Variants in DLG2 observed in about 807,000 individuals in gnomAD.
The protein encoded by DLG2 is discs large MAGUK scaffold protein 2.
In DLG2, 45 loss-of-function variants were observed where a neutral mutation model predicts 132.5. That is an observed-to-expected ratio of 0.34 (90% confidence interval 0.27 to 0.44). The LOEUF is 0.44. Among genes scored for constraint, DLG2 ranks in the 20% least tolerant of loss-of-function variants. The probability of loss-of-function intolerance (pLI) is 1.00; values close to 1 mark genes in which losing one functional copy is unlikely to be tolerated. For synonymous variants in DLG2, 424 were observed against 419.6 expected (o/e 1.01, Z -0.13); for missense variants, 1,045 against 1,196.9 (o/e 0.87, Z 1.87).
intron 25 of DLG2, among the ~76,000 whole-genome samples, chr11:83,468,681 T>A (rs1405239113): frequency 1.3e-5 from 2 of 152,104 alleles, no homozygotes; most frequent in African/African-American, 4.8e-5. Context: ...TATGGTACCC[T>A]CTCTTGAACA....
At chr11:83,737,608 T>C (rs939725260) in intron 18 of DLG2, among the ~76,000 whole-genome samples, 4 of 152,210 alleles carry the variant, frequency 2.6e-5, no homozygotes, top group Non-Finnish European at 5.9e-5. Context: ...CAAATAGAAC[T>C]ATATGCTTGG....
chr11:84,444,625 A>C (rs1327496647), intron 7 of DLG2, among the ~76,000 whole-genome samples: 1 of 152,080 alleles, frequency 6.6e-6, no homozygotes, highest in Non-Finnish European at 1.5e-5. Flanking sequence ...TTTAACAATT[A>C]TCCTATTTTT....
At chr11:85,322,791 G>A (rs1298168863) in intron 3 of DLG2, among the ~76,000 whole-genome samples, 1 of 151,976 alleles carries the variant, frequency 6.6e-6, no homozygotes, top group Admixed American at 6.6e-5. Context: ...CAATTATGAA[G>A]TCTATAGATC....
chr11:84,492,233 A>G (rs1312753081), intron 7 of DLG2, among the ~76,000 whole-genome samples: 2 of 152,212 alleles, frequency 1.3e-5, no homozygotes, highest in Non-Finnish European at 2.9e-5. Flanking sequence ...GTTCTGAAGA[A>G]TTTTTCTGCC....
At chr11:84,932,595 G>A (rs1361490113) in intron 6 of DLG2, among the ~76,000 whole-genome samples, 1 of 152,104 alleles carries the variant, frequency 6.6e-6, no homozygotes, top group East Asian at 1.9e-4. Flanking sequence ...CCACTTATGA[G>A]TGAGAACATG....
intron 18 of DLG2, among the ~76,000 whole-genome samples, chr11:83,752,456 T>G (rs1038754744): frequency 1.3e-5 from 2 of 151,698 alleles, no homozygotes; most frequent in South Asian, 2.1e-4. Flanking sequence ...GAGAAAGGAG[T>G]GTTCAACTAT....
intron 3 of DLG2, among the ~76,000 whole-genome samples, chr11:85,420,780 C>T (rs1032108836): frequency 6.6e-6 from 1 of 152,152 alleles, no homozygotes; most frequent in African/African-American, 2.4e-5. Flanking sequence ...GTGGATGCCC[C>T]TCCCCCCACC....
At chr11:85,079,889 C>G (rs2067023002) in intron 6 of DLG2, among the ~76,000 whole-genome samples, 2 of 152,036 alleles carry the variant, frequency 1.3e-5, no homozygotes, top group Admixed American at 1.3e-4. Flanking sequence ...CTCAGCTTCC[C>G]AAAGTGCTGG....
At chr11:83,940,119 A>T (rs1406053250) in intron 14 of DLG2, among the ~76,000 whole-genome samples, 1 of 152,216 alleles carries the variant, frequency 6.6e-6, no homozygotes, top group Admixed American at 6.5e-5. Context: ...AGAACAAGAG[A>T]TTGTTGTAGC....
At chr11:84,915,262 T>C (rs1006719613) in intron 6 of DLG2, among the ~76,000 whole-genome samples, 1 of 151,404 alleles carries the variant, frequency 6.6e-6, no homozygotes, top group African/African-American at 2.4e-5. Flanking sequence ...GAATTGTATT[T>C]CCCCCCCCAT....
intron 17 of DLG2, among the ~76,000 whole-genome samples, chr11:83,808,992 A>C (rs2046609821): frequency 6.6e-6 from 1 of 151,726 alleles, no homozygotes; most frequent in Non-Finnish European, 1.5e-5. Context: ...CTCCTCCTGC[A>C]GCTGGTCTCA....
At chr11:85,308,892 T>C (rs1462796830) in intron 3 of DLG2, among the ~76,000 whole-genome samples, 1 of 152,154 alleles carries the variant, frequency 6.6e-6, no homozygotes. Flanking sequence ...ATACTACTAT[T>C]GTTATTATTT....
intron 5 of DLG2, among the ~76,000 whole-genome samples, chr11:85,133,640 A>G (rs1045815456): frequency 2.0e-5 from 3 of 152,208 alleles, no homozygotes; most frequent in Non-Finnish European, 4.4e-5. Flanking sequence ...CTGAACATAT[A>G]AATGAATATT....
intron 4 of DLG2, among the ~76,000 whole-genome samples, chr11:85,233,241 A>G (rs2075395639): frequency 6.6e-6 from 1 of 151,616 alleles, no homozygotes; most frequent in Non-Finnish European, 1.5e-5. Context: ...TTTTTTTCTT[A>G]GAGGCATACA....
At chr11:84,892,493 T>G (rs1601020654) in intron 6 of DLG2, among the ~76,000 whole-genome samples, 1 of 152,164 alleles carries the variant, frequency 6.6e-6, no homozygotes, top group Admixed American at 6.6e-5. Flanking sequence ...GCTGGATGGA[T>G]TAATAAATAA....
chr11:84,390,919 G>A (rs2098790464), intron 7 of DLG2, among the ~76,000 whole-genome samples: 2 of 152,162 alleles, frequency 1.3e-5, no homozygotes, highest in South Asian at 2.1e-4. Flanking sequence ...CATCTGAAAG[G>A]TGATTTCTAA....
At chr11:84,498,598 T>C (rs993572139) in intron 7 of DLG2, among the ~76,000 whole-genome samples, 1 of 151,978 alleles carries the variant, frequency 6.6e-6, no homozygotes, top group Admixed American at 6.6e-5. Context: ...TGGGTGTAAA[T>C]AGAAGTTTTG....
At chr11:83,638,909 A>C (rs975854611) in intron 18 of DLG2, among the ~76,000 whole-genome samples, 9 of 152,182 alleles carry the variant, frequency 5.9e-5, no homozygotes, top group African/African-American at 2.2e-4. Context: ...ATAGGTGTGA[A>C]CACCACAAAC....
chr11:83,686,315 A>C (rs1436667202), intron 18 of DLG2, among the ~76,000 whole-genome samples: 1 of 152,110 alleles, frequency 6.6e-6, no homozygotes, highest in East Asian at 1.9e-4. Flanking sequence ...AGCATCCTCT[A>C]TTCCTCCATT....
Sources: allele counts gnomAD v4.1 joint callset (sites outside exome capture counted in the v4.1 genomes callset), GRCh38; gene constraint gnomAD v4.1.1; transcripts MANE v1.5; gene names NCBI Gene and HGNC (gene_info 2026-07-23, HGNC 2026-07-21).